Variants in ADAMTSL1 observed in about 807,000 individuals in gnomAD.
ADAMTSL1 encodes ADAMTS-like protein 1.
ADAMTSL1 carries 126 observed loss-of-function variants against 201.8 expected under a neutral mutation model. That is an observed-to-expected ratio of 0.62 (90% CI 0.54 to 0.72). ADAMTSL1 has a LOEUF of 0.72. ADAMTSL1 is among the 30% of genes least tolerant of loss of function. The probability of loss-of-function intolerance (pLI) is 0.00; values close to 1 mark genes in which losing one functional copy is unlikely to be tolerated. For missense variants in ADAMTSL1, 2,679 were observed against 2,277.8 expected (o/e 1.18, Z -3.59); for synonymous variants, 1,121 against 903.4 (o/e 1.24, Z -4.32).
At chr9:18,166,019 C>T (rs1295488537) in intron 2 of ADAMTSL1, among the ~76,000 whole-genome samples, 2 of 151,854 alleles carry the variant, frequency 1.3e-5, no homozygotes, top group African/African-American at 4.8e-5. Context: ...CAACAAGAAA[C>T]CTTCCTGGTA....
At position 18,860,043 on chromosome 9, in the gene ADAMTSL1, A is replaced by G. The variant is rs528700814; in HGVS notation, c.4250-27788A>G. On this transcript the variant is annotated intron_variant, in intron 23 of 28. Coordinates refer to ENST00000380548, the MANE Select transcript of ADAMTSL1 (RefSeq NM_001040272.6). Reference sequence around the variant, plus strand: ...TGCATATGTGTGATTGGAAAGAGAGACATTCAGATCAATTACGTCTGAGAA... The same window carrying G: ...TGCATATGTGTGATTGGAAAGAGAGGCATTCAGATCAATTACGTCTGAGAA... Among the ~76,000 whole-genome samples, 55 of 152,358 alleles carry G rather than the reference A, an allele frequency of 3.6e-4. No individual in the cohort carries two copies. The South Asian group carries it at 3.9e-3, about 11-fold the overall frequency.
intron 1 of ADAMTSL1, among the ~76,000 whole-genome samples, chr9:17,999,608 T>A (rs1402639919): frequency 6.6e-6 from 1 of 151,728 alleles, no homozygotes; most frequent in East Asian, 1.9e-4. Flanking sequence ...TCAGACACTT[T>A]TTTTTTTTAT....
intron 1 of ADAMTSL1, among the ~76,000 whole-genome samples, chr9:17,917,883 T>C (rs537507006): frequency 3.9e-5 from 6 of 152,106 alleles, no homozygotes; most frequent in Admixed American, 3.3e-4. Context: ...ATCAATTTCA[T>C]CTTGAGTTAG....
intron 1 of ADAMTSL1, among the ~76,000 whole-genome samples, chr9:18,160,251 A>T (rs543878776): frequency 5.1e-4 from 78 of 152,192 alleles, no homozygotes; most frequent in Middle Eastern, 3.4e-3. Flanking sequence ...TCATCACAGG[A>T]CACAAATTCT....
intron 1 of ADAMTSL1, among the ~76,000 whole-genome samples, chr9:17,997,377 G>A (rs1819426655): frequency 6.6e-6 from 1 of 152,076 alleles, no homozygotes; most frequent in Admixed American, 6.6e-5. Flanking sequence ...TGGTTGTGAT[G>A]AAGAATTGTT....
At chr9:18,676,209 G>A (rs1830120512) in intron 10 of ADAMTSL1, among the ~76,000 whole-genome samples, 1 of 151,860 alleles carries the variant, frequency 6.6e-6, no homozygotes, top group Non-Finnish European at 1.5e-5. Flanking sequence ...CCCTCCCTTT[G>A]TTCTTTCCTA....
chr9:18,704,413 CT>C (rs1454108098), intron 13 of ADAMTSL1, among the ~76,000 whole-genome samples: 1 of 152,168 alleles, frequency 6.6e-6, no homozygotes, highest in Admixed American at 6.5e-5. Flanking sequence ...GGGTGCAGTT[CT>C]TTTTGAGATC....
chr9:18,156,190 C>T (rs1827142102), intron 1 of ADAMTSL1, among the ~76,000 whole-genome samples: 1 of 151,926 alleles, frequency 6.6e-6, no homozygotes, highest in African/African-American at 2.4e-5. Context: ...GGCCTCAGTG[C>T]AAACAACGAG....
chr9:18,394,107 C>T (rs150445768), intron 2 of ADAMTSL1, among the ~76,000 whole-genome samples: 6 of 152,122 alleles, frequency 3.9e-5, no homozygotes, highest in South Asian at 2.1e-4. Context: ...GGTTACGCAG[C>T]GAAAGCAGAG....
chr9:18,247,310 G>C (rs1587391263), intron 2 of ADAMTSL1, among the ~76,000 whole-genome samples: 1 of 152,092 alleles, frequency 6.6e-6, no homozygotes, highest in Non-Finnish European at 1.5e-5. Flanking sequence ...TGAGTAACAA[G>C]ATATAGTAGA....
rs557785041 is a variant in ADAMTSL1, at chr9:17,998,631, G to T, written c.87+91709G>T. Among the ~76,000 whole-genome samples, 226 of 152,122 alleles carry T rather than the reference G, an allele frequency of 1.5e-3. 2 individuals carry two copies. Among genetic ancestry groups the T allele is most frequent in the South Asian group, 0.011 (55 of 4,820 alleles). ...TAATCTGATGTTATGAAGTCATCTAGGGAAGGTAAATGCTTTGGAAAAGGA... is the reference window on the plus strand; with the variant it reads ...TAATCTGATGTTATGAAGTCATCTATGGAAGGTAAATGCTTTGGAAAAGGA... On this transcript the variant is annotated intron_variant, in intron 1 of 29. Coordinates refer to the ADAMTSL1 transcript ENST00000680146.
intron 7 of ADAMTSL1, among the ~76,000 whole-genome samples, chr9:18,647,714 T>C (rs1587791169): frequency 6.6e-6 from 1 of 151,700 alleles, no homozygotes; most frequent in Non-Finnish European, 1.5e-5. Flanking sequence ...AGATTCTTAA[T>C]CCTGAGTTCT....
At chr9:18,457,221 A>G (rs1820638561) in intron 2 of ADAMTSL1, among the ~76,000 whole-genome samples, 1 of 152,240 alleles carries the variant, frequency 6.6e-6, no homozygotes, top group African/African-American at 2.4e-5. Context: ...GCAAAAAACT[A>G]TTTTGATAAA....
intron 23 of ADAMTSL1, among the ~76,000 whole-genome samples, chr9:18,834,683 C>T (rs1012198540): frequency 5.3e-5 from 8 of 152,002 alleles, no homozygotes; most frequent in African/African-American, 1.7e-4. Context: ...TGATTTATGT[C>T]GGGGTAAACT....
At chr9:18,150,223 TG>T (rs1826848303) in intron 1 of ADAMTSL1, among the ~76,000 whole-genome samples, 3 of 152,016 alleles carry the variant, frequency 2.0e-5, no homozygotes, top group Non-Finnish European at 4.4e-5. Flanking sequence ...AAGATAGTAG[TG>T]GTATAACAAT....
intron 2 of ADAMTSL1, among the ~76,000 whole-genome samples, chr9:18,206,523 C>G (rs1422757322): frequency 6.6e-6 from 1 of 152,042 alleles, no homozygotes; most frequent in Non-Finnish European, 1.5e-5. Flanking sequence ...ATTATAGTTT[C>G]TAATTATTTT....
chr9:18,859,837 T>A (rs900236114), intron 23 of ADAMTSL1, among the ~76,000 whole-genome samples: 1 of 152,216 alleles, frequency 6.6e-6, no homozygotes, highest in South Asian at 2.1e-4. Flanking sequence ...GGTGCTGATT[T>A]TTTTTTTATT....
intron 2 of ADAMTSL1, among the ~76,000 whole-genome samples, chr9:18,353,994 T>A (rs1836092347): frequency 6.6e-6 from 1 of 150,812 alleles, no homozygotes; most frequent in African/African-American, 2.4e-5. Context: ...AGAGATTTTC[T>A]ATACATGTAT....
intron 2 of ADAMTSL1, among the ~76,000 whole-genome samples, chr9:18,440,377 A>G (rs562737804): frequency 7.6e-4 from 115 of 152,150 alleles, no homozygotes; most frequent in Middle Eastern, 6.8e-3. Context: ...GTTTCTATAA[A>G]TACTACTATA....
Sources: allele counts gnomAD v4.1 joint callset (sites outside exome capture counted in the v4.1 genomes callset), GRCh38; gene constraint gnomAD v4.1.1; transcripts MANE v1.5; gene names NCBI Gene and HGNC (gene_info 2026-07-23, HGNC 2026-07-21).